Variants in DTNB observed in about 807,000 individuals in gnomAD.
The protein encoded by DTNB is DTN-B.
Under a neutral mutation model 90.7 loss-of-function variants are expected in DTNB, and 63 were observed. The observed-to-expected ratio is 0.69, with a 90% confidence interval of 0.57 to 0.86. The LOEUF (loss-of-function observed/expected upper bound fraction) is 0.86, where lower values mean the gene tolerates loss of function less well. Ranked by LOEUF, DTNB falls within the 40% of genes least tolerant of loss-of-function variation. DTNB has a pLI of 0.00. For missense variants in DTNB, 744 were observed against 807.1 expected (o/e 0.92, Z 0.95); for synonymous variants, 277 against 286.7 (o/e 0.97, Z 0.34).
rs533043342 is a variant in DTNB, at chr2:25,451,738, A to G, written c.1170-103T>C. The stretch of plus-strand genomic sequence containing the variant: ...GAAGAAAAGCTCATAAAAGAATGGT[A>G]ATAAAAGAACTAGAGGCCTGGGTCA... On this transcript the variant is annotated intron_variant, in intron 11 of 20. Transcript: ENST00000406818. 137 of 1,197,000 alleles carry G rather than the reference A, an allele frequency of 1.1e-4. 1 individual carries two copies. In the South Asian group the frequency reaches 2.6e-3, roughly 23 times the overall value. The allele number at this position is 1,197,000 out of a possible 1,614,324, so 74.1% of individuals were successfully genotyped here. A position where few individuals can be genotyped will look rare whatever the true frequency, so the allele number is the denominator to read the frequency against.
At chr2:25,653,467 G>T (rs1574073162) in intron 1 of DTNB, among the ~76,000 whole-genome samples, 3 of 138,706 alleles carry the variant, frequency 2.2e-5, no homozygotes, top group South Asian at 2.3e-4. Context: ...AAAGAAAACT[G>T]TTCAGAGCTT....
intron 6 of DTNB, among the ~76,000 whole-genome samples, chr2:25,590,969 T>C (rs1046812743): frequency 2.0e-5 from 3 of 152,178 alleles, no homozygotes; most frequent in African/African-American, 2.4e-5. Context: ...CCCGTGGCCT[T>C]CCTCCCATGC....
intron 14 of DTNB, among the ~76,000 whole-genome samples, chr2:25,431,326 C>T (rs759593311): frequency 1.3e-5 from 2 of 152,078 alleles, no homozygotes; most frequent in Admixed American, 1.3e-4. Context: ...CTCAGCCTCC[C>T]GAGTCTTCTA....
chr2:25,646,923 T>C (rs879710709), intron 2 of DTNB, among the ~76,000 whole-genome samples: 8 of 152,220 alleles, frequency 5.3e-5, no homozygotes, highest in Non-Finnish European at 7.3e-5. Context: ...ACAGAAAATA[T>C]GAAATATATG....
At chr2:25,545,866 C>A (rs1198551988) in intron 8 of DTNB, among the ~76,000 whole-genome samples, 1 of 152,208 alleles carries the variant, frequency 6.6e-6, no homozygotes, top group Non-Finnish European at 1.5e-5. Context: ...AAGTGATGGG[C>A]CTGCCTTGGC....
intron 9 of DTNB, among the ~76,000 whole-genome samples, chr2:25,520,959 A>G (rs2076030378): frequency 6.6e-6 from 1 of 152,218 alleles, no homozygotes; most frequent in Admixed American, 6.5e-5. Context: ...CAATGTGCGG[A>G]GAAAATTGGT....
chr2:25,397,724 AC>A (rs1429585181), intron 16 of DTNB, among the ~76,000 whole-genome samples: 1 of 152,110 alleles, frequency 6.6e-6, no homozygotes, highest in Non-Finnish European at 1.5e-5. Context: ...TACTAAACAT[AC>A]AAAAATTAGC....
intron 5 of DTNB, among the ~76,000 whole-genome samples, chr2:25,597,259 A>C (rs2064839894): frequency 6.6e-6 from 1 of 152,016 alleles, no homozygotes; most frequent in African/African-American, 2.4e-5. Context: ...TGAGCCCAGG[A>C]GGTCAAGACT....
intron 9 of DTNB, among the ~76,000 whole-genome samples, chr2:25,518,976 C>A (rs1433761823): frequency 6.6e-6 from 1 of 152,162 alleles, no homozygotes; most frequent in East Asian, 1.9e-4. Flanking sequence ...AAAAGCAACT[C>A]TTCTTTTACC....
intron 6 of DTNB, chr2:25,595,070 T>C (rs2064307299): frequency 6.6e-6 from 1 of 152,218 alleles, no homozygotes; most frequent in Non-Finnish European, 1.5e-5. Context: ...TAAAGTTCAG[T>C]TAGGTTGTAG....
intron 9 of DTNB, among the ~76,000 whole-genome samples, chr2:25,508,990 C>G (rs1221397974): frequency 1.3e-5 from 2 of 152,072 alleles, no homozygotes; most frequent in Non-Finnish European, 2.9e-5. Context: ...ACAGAAATGC[C>G]ACTGATTTTT....
At chr2:25,496,839 T>A (rs1423077874) in intron 9 of DTNB, among the ~76,000 whole-genome samples, 3 of 140,378 alleles carry the variant, frequency 2.1e-5, no homozygotes, top group Non-Finnish European at 4.8e-5. Context: ...TGAGACTCTG[T>A]TTCAAAAAAA....
intron 19 of DTNB, 152 bp from the exon 20 acceptor site, chr2:25,379,475 T>A: frequency 1.0e-6 from 1 of 992,242 alleles, no homozygotes; most frequent in Non-Finnish European, 1.3e-6. Flanking sequence ...CACCCAGGTA[T>A]GACAGCAGGG....
At chr2:25,586,290 C>G (rs376126232) in intron 6 of DTNB, among the ~76,000 whole-genome samples, 2 of 151,702 alleles carry the variant, frequency 1.3e-5, no homozygotes, top group Non-Finnish European at 2.9e-5. Context: ...GCAGGCGGAT[C>G]ACTTGAGGTC....
chr2:25,442,145 A>G (rs1433280695), intron 12 of DTNB, among the ~76,000 whole-genome samples: 1 of 152,260 alleles, frequency 6.6e-6, no homozygotes, highest in African/African-American at 2.4e-5. Flanking sequence ...TTAGGGCCTA[A>G]TAAAGTGCAA....
intron 16 of DTNB, among the ~76,000 whole-genome samples, chr2:25,401,144 T>C (rs1367089936): frequency 6.6e-6 from 1 of 152,198 alleles, no homozygotes; most frequent in African/African-American, 2.4e-5. Context: ...GGTCTGCTAA[T>C]TGCCTCAAAC....
intron 3 of DTNB, among the ~76,000 whole-genome samples, chr2:25,638,232 T>C (rs1021576874): frequency 6.6e-6 from 1 of 152,088 alleles, no homozygotes; most frequent in Admixed American, 6.5e-5. Flanking sequence ...GGGGGAGGGA[T>C]AGCATTAGGA....
intron 16 of DTNB, among the ~76,000 whole-genome samples, chr2:25,393,505 C>G (rs1315647690): frequency 1.3e-5 from 2 of 152,136 alleles, no homozygotes; most frequent in African/African-American, 4.8e-5. Context: ...CCAAAAAGCT[C>G]CTAGAACTGG....
intron 9 of DTNB, among the ~76,000 whole-genome samples, chr2:25,526,759 C>T (rs747573213): frequency 6.6e-6 from 1 of 152,052 alleles, no homozygotes; most frequent in Non-Finnish European, 1.5e-5. Context: ...CTAACAAAAA[C>T]ATACACGACG....
Sources: allele counts gnomAD v4.1 joint callset (sites outside exome capture counted in the v4.1 genomes callset), GRCh38; gene constraint gnomAD v4.1.1; transcripts MANE v1.5; gene names NCBI Gene and HGNC (gene_info 2026-07-23, HGNC 2026-07-21).